The following HACD2 variants were observed in gnomAD, a reference collection of about 807,000 sequenced individuals.
The protein encoded by HACD2 is 3-hydroxyacyl-CoA dehydratase 2, also known as very-long-chain (3R)-3-hydroxyacyl-CoA dehydratase 2.
HACD2 carries 15 observed loss-of-function variants against 31.0 expected under a neutral mutation model. The observed-to-expected ratio is 0.48, with a 90% CI of 0.32 to 0.75. HACD2 has a LOEUF of 0.75. HACD2 is among the 30% of genes least tolerant of loss of function. The pLI is 0.03. For missense variants in HACD2, 283 were observed against 313.0 expected, an observed-to-expected ratio of 0.90 and a Z score of 0.72; for synonymous variants, 115 against 122.2, an observed-to-expected ratio of 0.94 and a Z score of 0.39.
chr3:123,566,352 G>A (rs535964240), intron 3 of HACD2, among the ~76,000 whole-genome samples: 4 of 151,734 alleles, frequency 2.6e-5, no homozygotes, highest in African/African-American at 4.8e-5. Flanking sequence ...TGGTGTGATC[G>A]TGGCTCACTG....
At chr3:123,522,838 C>A (rs1334892492) in intron 4 of HACD2, among the ~76,000 whole-genome samples, 1 of 152,156 alleles carries the variant, frequency 6.6e-6, no homozygotes, top group African/African-American at 2.4e-5. Flanking sequence ...CCTCTGCTAA[C>A]TGAGCTGCAG....
chr3:123,533,425 A>G (rs986649029), intron 3 of HACD2, among the ~76,000 whole-genome samples: 1 of 152,258 alleles, frequency 6.6e-6, no homozygotes, highest in Non-Finnish European at 1.5e-5. Flanking sequence ...CTGGGATTAC[A>G]GGCATGTGCC....
intron 3 of HACD2, among the ~76,000 whole-genome samples, chr3:123,534,970 T>C (rs545399616): frequency 6.6e-6 from 1 of 152,294 alleles, no homozygotes; most frequent in South Asian, 2.1e-4. Context: ...TTAAAGAAAA[T>C]TAAGCTTATG....
At chr3:123,547,354 C>T (rs2056572039) in intron 3 of HACD2, among the ~76,000 whole-genome samples, 1 of 152,172 alleles carries the variant, frequency 6.6e-6, no homozygotes, top group South Asian at 2.1e-4. Context: ...CATATGTATT[C>T]CCCTTGATTC....
intron 3 of HACD2, among the ~76,000 whole-genome samples, chr3:123,547,830 G>C (rs2056577512): frequency 6.6e-6 from 1 of 152,048 alleles, no homozygotes; most frequent in South Asian, 2.1e-4. Flanking sequence ...ATCAGGCCCG[G>C]ATCTACATCC....
intron 3 of HACD2, among the ~76,000 whole-genome samples, 197 bp from the exon 4 acceptor site, chr3:123,528,671 T>C (rs776445342): frequency 6.6e-6 from 1 of 152,216 alleles, no homozygotes; most frequent in African/African-American, 2.4e-5. Context: ...AAAACAATAA[T>C]ATTTTTAATG....
intron 2 of HACD2, among the ~76,000 whole-genome samples, chr3:123,569,178 AC>A (rs2056826375): frequency 6.6e-6 from 1 of 152,202 alleles, no homozygotes; most frequent in South Asian, 2.1e-4. Flanking sequence ...AATAATTACC[AC>A]ATTGCAAATC....
intron 3 of HACD2, among the ~76,000 whole-genome samples, chr3:123,529,695 CCAGCCTGGGTGA>C (rs2056328373): frequency 6.6e-6 from 1 of 152,054 alleles, no homozygotes; most frequent in Admixed American, 6.5e-5. Flanking sequence ...CCACTGCACT[CCAGCCTGGGTGA>C]CAGAGTGAGG....
At chr3:123,548,968 G>A (rs1235474176) in intron 3 of HACD2, among the ~76,000 whole-genome samples, 1 of 150,150 alleles carries the variant, frequency 6.7e-6, no homozygotes, top group East Asian at 1.9e-4. Flanking sequence ...GCTATAAATT[G>A]TGTAATTACT....
At chr3:123,536,328 A>G (rs1325671074) in intron 3 of HACD2, among the ~76,000 whole-genome samples, 1 of 152,236 alleles carries the variant, frequency 6.6e-6, no homozygotes, top group African/African-American at 2.4e-5. Flanking sequence ...GCAGGCAGGG[A>G]GAATTTGGTA....
intron 3 of HACD2, among the ~76,000 whole-genome samples, chr3:123,547,798 A>G (rs1388642945): frequency 6.6e-6 from 1 of 152,190 alleles, no homozygotes; most frequent in Non-Finnish European, 1.5e-5. Flanking sequence ...AAAAGTTAAC[A>G]TCTACTAAGA....
At chr3:123,516,233 AT>A (rs138783399) in intron 4 of HACD2, among the ~76,000 whole-genome samples, 3,369 of 125,688 alleles carry the variant, frequency 0.027, 176 homozygotes, top group East Asian at 0.27. Flanking sequence ...TGTGCAACAT[AT>A]TTTTTTTTTT....
intron 6 of HACD2, among the ~76,000 whole-genome samples, chr3:123,499,929 T>C (rs1411776276): frequency 1.3e-5 from 2 of 152,202 alleles, no homozygotes; most frequent in African/African-American, 4.8e-5. Context: ...TGATTATCCA[T>C]ATACTTAAAT....
At chr3:123,552,896 A>G (rs1293563473) in intron 3 of HACD2, among the ~76,000 whole-genome samples, 1 of 152,186 alleles carries the variant, frequency 6.6e-6, no homozygotes, top group Non-Finnish European at 1.5e-5. Context: ...AATAAAAGCA[A>G]AATAACCATG....
intron 5 of HACD2, among the ~76,000 whole-genome samples, chr3:123,501,722 G>A (rs2055904459): frequency 6.6e-6 from 1 of 152,182 alleles, no homozygotes. Context: ...AGGTTGGTTA[G>A]TAACTGCTAT....
intron 2 of HACD2, among the ~76,000 whole-genome samples, chr3:123,574,200 T>G (rs1268728366): frequency 5.9e-5 from 9 of 152,242 alleles, no homozygotes; most frequent in Admixed American, 5.9e-4. Flanking sequence ...AACATGTGTC[T>G]CCCATGTTCT....
intron 2 of HACD2, among the ~76,000 whole-genome samples, 164 bp downstream of exon 2, chr3:123,582,048 T>C (rs2056971611): frequency 6.6e-6 from 1 of 152,164 alleles, no homozygotes; most frequent in Admixed American, 6.5e-5. Context: ...CTACCCAATC[T>C]AGAACATCAA....
At chr3:123,581,067 G>A (rs923685070) in intron 2 of HACD2, among the ~76,000 whole-genome samples, 72 of 152,124 alleles carry the variant, frequency 4.7e-4, no homozygotes, top group African/African-American at 1.5e-3. Flanking sequence ...TGATCCACCC[G>A]CCTCGGCCTC....
intron 4 of HACD2, among the ~76,000 whole-genome samples, chr3:123,527,421 G>C (rs2056297994): frequency 6.6e-6 from 1 of 152,268 alleles, no homozygotes; most frequent in South Asian, 2.1e-4. Flanking sequence ...ATCCCACCTA[G>C]GACACGAATC....
Sources: allele counts gnomAD v4.1 joint callset (sites outside exome capture counted in the v4.1 genomes callset), GRCh38; gene constraint gnomAD v4.1.1; transcripts MANE v1.5; gene names NCBI Gene and HGNC (gene_info 2026-07-23, HGNC 2026-07-21).